Variants in KIAA1328 observed in about 807,000 individuals in gnomAD.
KIAA1328 encodes protein hinderin.
A neutral mutation model predicts 68.1 loss-of-function variants in KIAA1328; 52 were observed. The observed-to-expected ratio is 0.76, with a 90% CI of 0.61 to 0.96. The LOEUF is 0.96. Ranked by LOEUF, KIAA1328 falls within the 40% of genes least tolerant of loss-of-function variation. The pLI is 0.00. For missense variants in KIAA1328, 641 were observed against 677.6 expected, an observed-to-expected ratio of 0.95 and a Z score of 0.60; for synonymous variants, 232 against 239.4, an observed-to-expected ratio of 0.97 and a Z score of 0.28.
intron 8 of KIAA1328, among the ~76,000 whole-genome samples, chr18:37,167,219 T>C (rs968921530): frequency 3.9e-5 from 6 of 152,106 alleles, no homozygotes; most frequent in African/African-American, 1.4e-4. Context: ...TGTTTACAGC[T>C]CCTGAAGCCC....
At chr18:37,098,329 A>G (rs1486976415) in intron 7 of KIAA1328, among the ~76,000 whole-genome samples, 2 of 152,180 alleles carry the variant, frequency 1.3e-5, no homozygotes, top group East Asian at 3.8e-4. Flanking sequence ...CTTTTGAGAT[A>G]ATCATGTGTT....
chr18:36,936,095 T>A (rs2050488861), intron 5 of KIAA1328, among the ~76,000 whole-genome samples: 1 of 152,210 alleles, frequency 6.6e-6, no homozygotes, highest in Non-Finnish European at 1.5e-5. Flanking sequence ...CCTAGGCATG[T>A]GGCATAAATT....
chr18:36,834,354 A>T lies in KIAA1328; in HGVS notation c.93A>T (p.Pro31=). 6.3e-7 allele frequency: 1 copy of T among 1,575,796 alleles called. No homozygotes were observed. The highest frequency in any genetic ancestry group is 1.2e-5 in the South Asian group (1 of 80,708). Residue 31 remains proline, a splice_region_variant and synonymous_variant, in exon 2 of 10, where the codon CCA becomes CCT. Transcript: ENST00000280020. ...SDEEQSVVYV[P]GISAEGNVRS... is the part of the protein sequence containing the mutation. Reference sequence around the variant, plus strand: ...AAGAACAATCAGTAGTATACGTTCCAGGTATGATTTTCTATGTTAAAATTT... The same window carrying T: ...AAGAACAATCAGTAGTATACGTTCCTGGTATGATTTTCTATGTTAAAATTT...
chr18:37,168,520 T>C (rs1418771331), intron 8 of KIAA1328, among the ~76,000 whole-genome samples: 1 of 152,158 alleles, frequency 6.6e-6, no homozygotes, highest in Non-Finnish European at 1.5e-5. Context: ...GGAATACTAC[T>C]TAGCAAAGAA....
chr18:37,091,138 A>G (rs978657282), intron 7 of KIAA1328, among the ~76,000 whole-genome samples: 3 of 152,306 alleles, frequency 2.0e-5, no homozygotes, highest in Middle Eastern at 3.4e-3. Context: ...ACACAAAAGA[A>G]TAGTTCAAAA....
intron 7 of KIAA1328, among the ~76,000 whole-genome samples, chr18:37,143,521 CTTTTTTTTTTTTT>C (rs57046567): frequency 1.1e-5 from 1 of 90,778 alleles, no homozygotes; most frequent in Admixed American, 1.2e-4. Context: ...TTTTTTCTTT[CTTTTTTTTTTTTT>C]TTTTTTTTTG....
intron 4 of KIAA1328, among the ~76,000 whole-genome samples, chr18:36,876,584 G>T (rs993510116): frequency 6.6e-6 from 1 of 151,872 alleles, no homozygotes; most frequent in African/African-American, 2.4e-5. Context: ...TATTAGTCTG[G>T]CTAGCAGTCT....
intron 6 of KIAA1328, among the ~76,000 whole-genome samples, chr18:37,004,491 T>A (rs960979608): frequency 4.6e-5 from 7 of 151,980 alleles, no homozygotes; most frequent in African/African-American, 1.7e-4. Flanking sequence ...AAATGGCTAA[T>A]AAACATATGA....
chr18:37,122,774 G>A (rs1353516966), intron 7 of KIAA1328, among the ~76,000 whole-genome samples: 2 of 152,068 alleles, frequency 1.3e-5, no homozygotes, highest in Non-Finnish European at 2.9e-5. Flanking sequence ...GAACATATAG[G>A]GCTGATGGAT....
chr18:37,004,122 G>T (rs1214233684), intron 6 of KIAA1328, among the ~76,000 whole-genome samples: 2 of 152,082 alleles, frequency 1.3e-5, no homozygotes, highest in Non-Finnish European at 2.9e-5. Context: ...GTTCTGTGAA[G>T]AATGATGGTG....
At chr18:36,851,524 G>A (rs2047211122) in intron 4 of KIAA1328, among the ~76,000 whole-genome samples, 2 of 146,050 alleles carry the variant, frequency 1.4e-5, no homozygotes, top group Admixed American at 1.4e-4. Flanking sequence ...TCTTGAGTCA[G>A]TTTTGGTAAT....
At chr18:37,131,395 G>C (rs1420611272) in intron 7 of KIAA1328, among the ~76,000 whole-genome samples, 1 of 152,164 alleles carries the variant, frequency 6.6e-6, no homozygotes, top group African/African-American at 2.4e-5. Flanking sequence ...GTGATCCTTT[G>C]ATTCTGTGTT....
intron 9 of KIAA1328, among the ~76,000 whole-genome samples, chr18:37,211,114 C>T (rs976511681): frequency 1.3e-5 from 2 of 152,156 alleles, no homozygotes; most frequent in Admixed American, 6.5e-5. Flanking sequence ...CAACTAGTTA[C>T]GCTATACTTT....
chr18:37,011,727 T>C (rs1196177680), intron 6 of KIAA1328, among the ~76,000 whole-genome samples: 1 of 152,214 alleles, frequency 6.6e-6, no homozygotes, highest in East Asian at 1.9e-4. Context: ...AAAGGTTATA[T>C]ACTGTATGAA....
chr18:36,840,363 C>T (rs1432061888), intron 3 of KIAA1328, among the ~76,000 whole-genome samples: 3 of 151,802 alleles, frequency 2.0e-5, no homozygotes, highest in East Asian at 1.9e-4. Context: ...CCTACATTGT[C>T]GGGGGTATAT....
At chr18:37,072,786 C>T (rs991908900) in intron 7 of KIAA1328, among the ~76,000 whole-genome samples, 1 of 152,146 alleles carries the variant, frequency 6.6e-6, no homozygotes, top group South Asian at 2.1e-4. Context: ...GACTCCCCAA[C>T]AGGCTCTGGT....
At chr18:36,937,891 T>G (rs2050564946) in intron 5 of KIAA1328, among the ~76,000 whole-genome samples, 1 of 152,246 alleles carries the variant, frequency 6.6e-6, no homozygotes, top group African/African-American at 2.4e-5. Flanking sequence ...CTTATTTCAC[T>G]TAACATATTG....
Position 37,222,995 on chromosome 18 carries a change from G to T in KIAA1328, c.*768G>T, listed in dbSNP as rs1243089575. 1.0e-6 allele frequency: 1 copy of T among 985,196 alleles called. No homozygotes were observed. Among genetic ancestry groups the T allele is most frequent in the African/African-American group, 1.7e-5 (1 of 57,146 alleles). 61.0% of individuals were successfully genotyped at this position (985,196 alleles called of 1,614,324 possible). On this transcript the variant is annotated 3_prime_UTR_variant, in exon 10 of 10. Coordinates refer to ENST00000280020, the MANE Select transcript of KIAA1328 (RefSeq NM_020776.3). ...GACCACCCCTCCAATATCCCAGAAT[G>T]AATAAGAACAATCCCTAGGTATTTT...
chr18:37,160,486 T>A (rs1258303809), intron 8 of KIAA1328, 105 bp downstream of exon 8: 11 of 1,005,158 alleles, frequency 1.1e-5, no homozygotes, highest in Non-Finnish European at 1.4e-5. Context: ...AAAAGTTAAA[T>A]GTTTACACAC....
Sources: gnomAD v4.1 joint callset for allele counts (sites outside exome capture counted in the v4.1 genomes callset) on GRCh38, gnomAD v4.1.1 for gene constraint, MANE v1.5 for transcripts, NCBI Gene and HGNC (gene_info 2026-07-23, HGNC 2026-07-21) for gene names.